Variants in SPTB observed in about 807,000 individuals in gnomAD.
SPTB encodes spectrin beta chain, erythrocytic.
SPTB carries 45 observed loss-of-function variants against 256.2 expected under a neutral mutation model. The ratio of observed to expected loss-of-function variants is 0.18; its 90% CI spans 0.14 to 0.23. The LOEUF is 0.23. SPTB is among the 10% of genes least tolerant of loss of function. The pLI is 1.00. For synonymous variants in SPTB, 1,231 were observed against 1,243.1 expected (o/e 0.99, Z 0.21); for missense variants, 2,715 against 3,040.4 (o/e 0.89, Z 2.52).
rs1594837762 is a variant in SPTB at position 64,845,904 on chromosome 14, A to C, written c.-51-22759T>G. 6.6e-6 allele frequency among the ~76,000 whole-genome samples: 1 copy of C among 152,180 alleles called. No individual in the cohort carries two copies. Among genetic ancestry groups the C allele is most frequent in the East Asian group, 1.9e-4 (1 of 5,200 alleles). On this transcript the variant is annotated intron_variant, in intron 1 of 35. Coordinates refer to ENST00000644917, the MANE Select transcript of SPTB (RefSeq NM_001355436.2). This position sits in a 1 kb window ranked among gnomAD's most constrained non-coding sequence, Gnocchi z 4.8. ...TTGGGCCAATATTGACTTTCCAAAA[A>C]AAACCCGCTCTACATTTTATGCATA...
In SPTB at chr14:64,775,289, C is replaced by T; in HGVS notation, c.4678G>A (p.Gly1560Arg). ...CTGTCCCAGGAGCTCTGCAGGTGCC[C>T]CAGGCGCTCCTCAAGGTCCTGGCAG... Reference protein sequence around the residue: ...IDCQDLEERLGHLQSSWDRLR... With the variant: ...IDCQDLEERLRHLQSSWDRLR... Residue 1560 changes from glycine (G) to arginine (R), a missense_variant, in exon 23 of 36, where the codon GGG becomes AGG. By Grantham distance (125) the Gly-to-Arg change is moderately radical (BLOSUM62 -2). Around this residue, in one of 4 missense-constraint regions of SPTB, gnomAD observed 2,239 missense variants for 2,384.4 expected, o/e 0.94. Coordinates refer to ENST00000644917, the MANE Select transcript of SPTB (RefSeq NM_001355436.2). The surrounding 1 kb of genome is among the most constrained non-coding windows in gnomAD (Gnocchi z 5.0). 8 of 1,613,334 alleles carry T rather than the reference C, an allele frequency of 5.0e-6. No individual in the cohort carries two copies. Among genetic ancestry groups the T allele is most frequent in the Non-Finnish European group, 6.8e-6 (8 of 1,179,802 alleles).
chr14:64,766,926 G>T, intron 31 of SPTB, 125 bp from the exon 32 acceptor site: 2 of 1,255,094 alleles, frequency 1.6e-6, no homozygotes, highest in Non-Finnish European at 2.3e-6. Context: ...CCAGTCAGCC[G>T]GCAGCCTGGA....
Position 64,782,326 on chromosome 14 carries a change from G to C in SPTB, c.4230C>G (p.Asp1410Glu). The C allele has an allele frequency of 6.2e-7, 1 of 1,614,194 alleles. No homozygotes were observed. Among genetic ancestry groups the C allele is most frequent in the Non-Finnish European group, 8.5e-7 (1 of 1,180,048 alleles). ...CCAACATCCGATTGACACTGGTCAG[G>C]TCCTTGCCCGGGTCGTCTGACCGCA... ...DQLRSDDPGK[D>E]LTSVNRMLAK... is the part of the protein sequence containing the mutation. The change falls in exon 20 of 36, where the codon GAC becomes GAG. Residue 1410 changes from aspartate to glutamate, a missense_variant. Physicochemically the swap from Asp to Glu is conservative, Grantham distance 45. Around this residue, in one of 4 missense-constraint regions of SPTB, gnomAD observed 2,239 missense variants for 2,384.4 expected, o/e 0.94. Transcript: ENST00000644917.
Position 64,749,270 on chromosome 14 carries a change from G to C in SPTB, c.*36C>G, listed in dbSNP as rs759972947. 1.9e-6 allele frequency: 3 copies of C among 1,545,730 alleles called. No homozygotes were observed. Among genetic ancestry groups the C allele is most frequent in the Non-Finnish European group, 2.6e-6 (3 of 1,150,744 alleles). Reference sequence around the variant, plus strand: ...AAGGCCTGGGCTGCCCGGTCTCTGCGCGTCCCGACTCCGCCGCGCCCGCCA... The same window carrying C: ...AAGGCCTGGGCTGCCCGGTCTCTGCCCGTCCCGACTCCGCCGCGCCCGCCA... On this transcript the variant is annotated 3_prime_UTR_variant, in exon 36 of 36. Coordinates refer to ENST00000644917, the MANE Select transcript of SPTB (RefSeq NM_001355436.2). This position sits in a 1 kb window ranked among gnomAD's most constrained non-coding sequence, Gnocchi z 4.7.
intron 6 of SPTB, 80 bp downstream of exon 6, chr14:64,801,674 T>A: frequency 7.2e-7 from 1 of 1,397,930 alleles, no homozygotes; most frequent in Non-Finnish European, 1.0e-6. Context: ...TTTCTGTGAC[T>A]CCATGTTAAG....
At position 64,795,201 on chromosome 14, in the gene SPTB, C is replaced by A; in HGVS notation, c.1644+136G>T. 1 of 1,043,002 alleles carries A rather than the reference C, an allele frequency of 9.6e-7. No individual in the cohort carries two copies. The highest frequency in any genetic ancestry group is 1.4e-6 in the Non-Finnish European group (1 of 725,374). 64.6% of individuals were successfully genotyped at this position (1,043,002 alleles called of 1,614,324 possible). Reference sequence around the variant, plus strand: ...GAGGCAGGTGCAGCTAGACACTTTGCTGCCTCAGTTTCTCTATTTTGACTC... The same window carrying A: ...GAGGCAGGTGCAGCTAGACACTTTGATGCCTCAGTTTCTCTATTTTGACTC... On this transcript the variant is annotated intron_variant, in intron 12 of 35. Coordinates refer to ENST00000644917, the MANE Select transcript of SPTB (RefSeq NM_001355436.2). This position sits in a 1 kb window ranked among gnomAD's most constrained non-coding sequence, Gnocchi z 6.5.
At chr14:64,821,052 C>G (rs1205264085) in intron 2 of SPTB, among the ~76,000 whole-genome samples, 1 of 152,144 alleles carries the variant, frequency 6.6e-6, no homozygotes, top group African/African-American at 2.4e-5. Flanking sequence ...CACACACAGG[C>G]CAACTGGAGA....
chr14:64,835,498 G>A (rs764258037), intron 1 of SPTB, among the ~76,000 whole-genome samples: 4 of 152,106 alleles, frequency 2.6e-5, no homozygotes, highest in Non-Finnish European at 4.4e-5. Flanking sequence ...TGCCCACCTC[G>A]GCCTCCCAAA....
intron 6 of SPTB, 72 bp from the exon 7 acceptor site, chr14:64,801,472 A>C: frequency 8.7e-7 from 1 of 1,155,802 alleles, no homozygotes; most frequent in Non-Finnish European, 1.3e-6. Flanking sequence ...CCTAGCATGA[A>C]GCAGACATTG....
At chr14:64,861,292 G>T (rs554211788) in intron 1 of SPTB, among the ~76,000 whole-genome samples, 1 of 152,062 alleles carries the variant, frequency 6.6e-6, no homozygotes, top group African/African-American at 2.4e-5. Context: ...AAACCTGCAC[G>T]TTCTGTGCAT....
At chr14:64,756,456 C>A in intron 32 of SPTB, 1 of 152,314 alleles carries the variant, frequency 6.6e-6, no homozygotes, top group East Asian at 1.9e-4. Flanking sequence ...GTAGTCCCAG[C>A]TACTTGGGAG....
In SPTB at chr14:64,827,392, T is replaced by C. The variant is rs1399379469; in HGVS notation, c.-51-4247A>G. Among the ~76,000 whole-genome samples the C allele has an allele frequency of 6.6e-6, 1 of 152,220 alleles. No homozygotes were observed. The highest frequency in any genetic ancestry group is 1.9e-4 in the East Asian group (1 of 5,202). On this transcript the variant is annotated intron_variant, in intron 1 of 35. Coordinates refer to ENST00000644917, the MANE Select transcript of SPTB (RefSeq NM_001355436.2). The surrounding 1 kb of genome is among the most constrained non-coding windows in gnomAD (Gnocchi z 4.6). ...GGACACTGTCTTTCTTAAACAGTAT[T>C]GCTCCTTCCACTGTATTGTTATCTT...
In SPTB at chr14:64,834,715, G is replaced by A. The variant is rs554437575; in HGVS notation, c.-51-11570C>T. Among the ~76,000 whole-genome samples the A allele has an allele frequency of 3.9e-5, 6 of 152,098 alleles. No individual in the cohort carries two copies. The East Asian group carries it at 1.2e-3, about 29-fold the overall frequency. On this transcript the variant is annotated intron_variant, in intron 1 of 35. Transcript: ENST00000644917. ...GCTGGGATTACAGGCATGAGCCACC[G>A]TGCCTGGCCCGAATCTCTACAAATC...
intron 1 of SPTB, among the ~76,000 whole-genome samples, chr14:64,861,121 T>A (rs1291043473): frequency 6.6e-6 from 1 of 152,106 alleles, no homozygotes; most frequent in African/African-American, 2.4e-5. Context: ...ACACCGCATG[T>A]TCTCACTCAT....
At chr14:64,842,104 C>T (rs1048492894) in intron 1 of SPTB, among the ~76,000 whole-genome samples, 2 of 152,236 alleles carry the variant, frequency 1.3e-5, no homozygotes, top group African/African-American at 2.4e-5. Context: ...GAGCAAGGGG[C>T]AGAAGAGCTG....
Position 64,775,375 on chromosome 14 carries a change from G to C in SPTB, c.4592C>G (p.Thr1531Arg), listed in dbSNP as rs149999354. Residue 1531 changes from threonine to arginine, a missense_variant, in exon 23 of 36, where the codon ACG (threonine) becomes AGG (arginine). By Grantham distance (71) the Thr-to-Arg change is moderately conservative. Coordinates refer to ENST00000644917, the MANE Select transcript of SPTB (RefSeq NM_001355436.2). This position sits in a 1 kb window ranked among gnomAD's most constrained non-coding sequence, Gnocchi z 5.0. Reference sequence around the variant, plus strand: ...CTGCAGCACATCCTCAACCCGCGGCGTATGGCCCAGAATCTCATTCTGCAG... The same window carrying C: ...CTGCAGCACATCCTCAACCCGCGGCCTATGGCCCAGAATCTCATTCTGCAG... ...QTLQNEILGHTPRVEDVLQRG... is the reference protein window; with the variant it reads ...QTLQNEILGHRPRVEDVLQRG... The C allele has an allele frequency of 6.2e-7, 1 of 1,612,956 alleles. No homozygotes were observed. Among genetic ancestry groups the C allele is most frequent in the Non-Finnish European group, 8.5e-7 (1 of 1,179,256 alleles).
At chr14:64,766,833 A>G (rs765775738) in intron 31 of SPTB, 32 bp from the exon 32 acceptor site, 1 of 1,606,816 alleles carries the variant, frequency 6.2e-7, no homozygotes, top group South Asian at 1.1e-5. Context: ...TTTAGAAACA[A>G]GCACCCCTCT....
rs1252242002 is a variant in SPTB at position 64,827,731 on chromosome 14, T to C, written c.-51-4586A>G. Among the ~76,000 whole-genome samples the C allele has an allele frequency of 1.3e-5, 2 of 152,192 alleles. No homozygotes were observed. The highest frequency in any genetic ancestry group is 1.5e-5 in the Non-Finnish European group (1 of 68,044). ...CAGTGCAGAATACTTACTCTAAATCTATCTGCAGCCCTAACCTCCTCCCTA... is the reference window on the plus strand; with the variant it reads ...CAGTGCAGAATACTTACTCTAAATCCATCTGCAGCCCTAACCTCCTCCCTA... On this transcript the variant is annotated intron_variant, in intron 1 of 35. Coordinates refer to ENST00000644917, the MANE Select transcript of SPTB (RefSeq NM_001355436.2). This position sits in a 1 kb window ranked among gnomAD's most constrained non-coding sequence, Gnocchi z 4.6.
intron 1 of SPTB, among the ~76,000 whole-genome samples, chr14:64,840,635 G>A (rs1343334197): frequency 6.6e-6 from 1 of 152,140 alleles, no homozygotes; most frequent in Non-Finnish European, 1.5e-5. Context: ...CTGAAGGAGC[G>A]AACCTATTCA....
Sources: gnomAD v4.1 joint callset for allele counts (sites outside exome capture counted in the v4.1 genomes callset) on GRCh38, gnomAD v4.1.1 for gene constraint, gnomAD v4.1.1 regional missense constraint, Gnocchi (gnomAD v3.1) non-coding constraint, MANE v1.5 for transcripts, NCBI Gene and HGNC (gene_info 2026-07-23, HGNC 2026-07-21) for gene names.